MAPK10: variants seen among roughly 807,000 people sequenced by gnomAD.
MAPK10 encodes mitogen-activated protein kinase 10, also known as JNK3 alpha protein kinase.
MAPK10 carries 25 observed loss-of-function variants against 59.3 expected under a neutral mutation model. The observed-to-expected ratio is 0.42, with a 90% CI of 0.31 to 0.59. The LOEUF is 0.59. Among genes scored for constraint, MAPK10 ranks in the 20% least tolerant of loss-of-function variants. The pLI is 0.15. For missense variants in MAPK10, 351 were observed against 568.9 expected, an observed-to-expected ratio of 0.62 and a Z score of 3.90; for synonymous variants, 190 against 200.5, an observed-to-expected ratio of 0.95 and a Z score of 0.44.
chr4:86,327,906 C>T (rs900723202), intron 2 of MAPK10, among the ~76,000 whole-genome samples: 1 of 151,454 alleles, frequency 6.6e-6, no homozygotes, highest in African/African-American at 2.4e-5. Context: ...GCCAAGATCA[C>T]ACCACTGCAC....
chr4:86,402,173 T>A (rs988029335), intron 1 of MAPK10, among the ~76,000 whole-genome samples: 1 of 152,174 alleles, frequency 6.6e-6, no homozygotes, highest in African/African-American at 2.4e-5. Context: ...AGAGGACTTT[T>A]TTTTTTTCAC....
chr4:86,311,371 C>A (rs1047111562), intron 2 of MAPK10, among the ~76,000 whole-genome samples: 1 of 152,042 alleles, frequency 6.6e-6, no homozygotes, highest in South Asian at 2.1e-4. Flanking sequence ...TATATAAACT[C>A]TTTTAATGGC....
intron 3 of MAPK10, among the ~76,000 whole-genome samples, chr4:86,172,501 A>C (rs937704413): frequency 2.9e-4 from 44 of 150,708 alleles, no homozygotes; most frequent in Non-Finnish European, 1.3e-4. Flanking sequence ...GCATGTTCTC[A>C]CTCATGGGTG....
At chr4:86,565,962 C>G (rs1011739055) in intron 1 of MAPK10, among the ~76,000 whole-genome samples, 1 of 152,144 alleles carries the variant, frequency 6.6e-6, no homozygotes, top group Non-Finnish European at 1.5e-5. Context: ...TCCTTCCCCC[C>G]AAGTCTCTTG....
intron 1 of MAPK10, among the ~76,000 whole-genome samples, chr4:86,524,845 C>CA (rs35177743): frequency 0.028 from 2,782 of 99,058 alleles, 26 homozygotes; most frequent in African/African-American, 0.034. Context: ...TAGGTTGGTG[C>CA]AAAAAAAAAA....
At chr4:86,225,447 G>T (rs114551051) in intron 2 of MAPK10, among the ~76,000 whole-genome samples, 1 of 152,060 alleles carries the variant, frequency 6.6e-6, no homozygotes, top group Non-Finnish European at 1.5e-5. Flanking sequence ...TGACTCTACC[G>T]AGAGAAGACT....
At chr4:86,249,566 T>C (rs1156814064) in intron 2 of MAPK10, among the ~76,000 whole-genome samples, 2 of 152,110 alleles carry the variant, frequency 1.3e-5, no homozygotes, top group Non-Finnish European at 2.9e-5. Context: ...CCAGCCTCTA[T>C]AATGTAAGAA....
chr4:86,120,512 A>G (rs2059060368), intron 4 of MAPK10: 1 of 152,224 alleles, frequency 6.6e-6, no homozygotes, highest in African/African-American at 2.4e-5. Flanking sequence ...GCTGCTCTAG[A>G]CACGAGGCAA....
chr4:86,552,384 G>A (rs910502654), intron 1 of MAPK10, among the ~76,000 whole-genome samples: 3 of 150,180 alleles, frequency 2.0e-5, no homozygotes, highest in African/African-American at 4.9e-5. Context: ...CTGCACCACT[G>A]TAGTCCAGCC....
rs10525325 is a variant in MAPK10, at chr4:86,165,543, ATTTTTTTTTTTTTTTTTTTTTTTTT to A, written c.67-6101_67-6077del. Among the ~76,000 whole-genome samples, 36 of 57,298 alleles carry A rather than the reference ATTTTTTTTTTTTTTTTTTTTTTTTT, an allele frequency of 6.3e-4. 1 individual carries two copies. The highest frequency in any genetic ancestry group is 1.6e-3 in the African/African-American group (28 of 17,746). The allele number at this position is 57,298 out of a possible 152,430, so 37.6% of individuals were successfully genotyped here. Reference sequence around the variant, plus strand: ...AGGCACATGCCACCACTCCCAGATAATTTTTTTTTTTTTTTTTTTTTTTTTTTTTTTTTTTTTTTTAGAGATGAGG... The same window carrying A: ...AGGCACATGCCACCACTCCCAGATAATTTTTTTTTTTTTTTAGAGATGAGG... On this transcript the variant is annotated intron_variant, in intron 3 of 13. Transcript: ENST00000641462.
intron 4 of MAPK10, among the ~76,000 whole-genome samples, chr4:86,123,365 G>A (rs2059568519): frequency 6.6e-6 from 1 of 152,044 alleles, no homozygotes; most frequent in African/African-American, 2.4e-5. Flanking sequence ...ATATGGGAGT[G>A]CAGCTATCTC....
At chr4:86,494,130 C>T (rs968277709) in intron 1 of MAPK10, among the ~76,000 whole-genome samples, 26 of 152,136 alleles carry the variant, frequency 1.7e-4, no homozygotes, top group African/African-American at 6.0e-4. Context: ...CTCCATGCAG[C>T]TTAGTAATGG....
In MAPK10 at chr4:86,397,373, C is replaced by T. The variant is rs114380552; in HGVS notation, c.-121-42729G>A. Among the ~76,000 whole-genome samples the T allele has an allele frequency of 9.9e-3, 1,500 of 152,182 alleles. 29 individuals are homozygous for T. Among genetic ancestry groups the T allele is most frequent in the African/African-American group, 0.034 (1,408 of 41,508 alleles). ...TTACAGATAGATGGATATCTCTACT[C>T]CATGGAGTCTGACTATTGCAAAAGA... On this transcript the variant is annotated intron_variant, in intron 1 of 13. Coordinates refer to the MAPK10 transcript ENST00000361569.
intron 1 of MAPK10, among the ~76,000 whole-genome samples, chr4:86,502,523 A>G (rs1371631233): frequency 6.6e-6 from 1 of 151,996 alleles, no homozygotes; most frequent in African/African-American, 2.4e-5. Context: ...TTCTCTTTAT[A>G]TCACTCCTAT....
At chr4:86,554,330 T>C (rs1760089873) in intron 1 of MAPK10, among the ~76,000 whole-genome samples, 1 of 152,210 alleles carries the variant, frequency 6.6e-6, no homozygotes, top group Admixed American at 6.5e-5. Flanking sequence ...AATTCTAACC[T>C]ATCTTCAAGT....
chr4:86,409,326 G>T (rs1251666479), intron 1 of MAPK10, among the ~76,000 whole-genome samples: 1 of 152,204 alleles, frequency 6.6e-6, no homozygotes, highest in Non-Finnish European at 1.5e-5. Flanking sequence ...TTTGAAGTCA[G>T]GTAGTATGAT....
intron 2 of MAPK10, among the ~76,000 whole-genome samples, chr4:86,253,782 C>T (rs905906334): frequency 2.5e-5 from 2 of 81,168 alleles, no homozygotes; most frequent in African/African-American, 7.1e-5. Flanking sequence ...TGGTAGAATT[C>T]GGCTGTGAAA....
chr4:86,552,514 G>GAAGGAAGA (rs1554281062), intron 1 of MAPK10, among the ~76,000 whole-genome samples: 6 of 109,412 alleles, frequency 5.5e-5, no homozygotes, highest in Admixed American at 2.0e-4. Context: ...AGGAAGGAAG[G>GAAGGAAGA]AAGGAAGGAA....
chr4:86,431,770 T>G (rs954690360), intron 1 of MAPK10, among the ~76,000 whole-genome samples: 2 of 151,944 alleles, frequency 1.3e-5, no homozygotes, highest in African/African-American at 4.8e-5. Context: ...ATAGGAAGAG[T>G]CGTGTTATGA....
Sources: allele counts gnomAD v4.1 joint callset (sites outside exome capture counted in the v4.1 genomes callset), GRCh38; gene constraint gnomAD v4.1.1; transcripts MANE v1.5; gene names NCBI Gene and HGNC (gene_info 2026-07-23, HGNC 2026-07-21).